Variants in RSRC1 observed in about 807,000 individuals in gnomAD.
RSRC1 encodes arginine and serine rich coiled-coil 1.
Under a neutral mutation model 49.1 loss-of-function variants are expected in RSRC1, and 39 were observed. That is an observed-to-expected ratio of 0.79 (90% CI 0.61 to 1.04). RSRC1 has a LOEUF of 1.04. Ranked by LOEUF, RSRC1 falls within the 50% of genes least tolerant of loss-of-function variation. The pLI is 0.00. For missense variants in RSRC1, 388 were observed against 402.4 expected, an observed-to-expected ratio of 0.96 and a Z score of 0.31; for synonymous variants, 143 against 130.8, an observed-to-expected ratio of 1.09 and a Z score of -0.63.
intron 5 of RSRC1, among the ~76,000 whole-genome samples, chr3:158,319,129 C>T (rs1372673436): frequency 2.6e-5 from 4 of 152,140 alleles, no homozygotes; most frequent in Admixed American, 2.6e-4. Flanking sequence ...TGGTTTGGCT[C>T]CACATCCCCA....
At chr3:158,140,340 C>T (rs545230846) in intron 3 of RSRC1, among the ~76,000 whole-genome samples, 2 of 152,312 alleles carry the variant, frequency 1.3e-5, no homozygotes, top group Non-Finnish European at 2.9e-5. Context: ...CATGGATTGT[C>T]AGGCTCTTGT....
At chr3:158,343,658 G>A (rs547350534) in intron 5 of RSRC1, among the ~76,000 whole-genome samples, 9 of 152,200 alleles carry the variant, frequency 5.9e-5, no homozygotes, top group African/African-American at 1.2e-4. Flanking sequence ...TTCTAGACAC[G>A]AAGGCTATAC....
At chr3:158,407,681 T>C (rs1734225968) in intron 6 of RSRC1, among the ~76,000 whole-genome samples, 1 of 152,124 alleles carries the variant, frequency 6.6e-6, no homozygotes, top group Non-Finnish European at 1.5e-5. Context: ...CAAACCACCA[T>C]TTTCTGTGTT....
In RSRC1 at chr3:158,477,798, T is replaced by TA. The variant is rs1738432613; in HGVS notation, c.652+16795_652+16796insA. Among the ~76,000 whole-genome samples the TA allele has an allele frequency of 2.2e-4, 20 of 89,770 alleles. 3 individuals carry two copies. Among genetic ancestry groups the TA allele is most frequent in the African/African-American group, 8.3e-4 (18 of 21,648 alleles). The allele number at this position is 89,770 out of a possible 152,430, so 58.9% of individuals were successfully genotyped here. A position where few individuals can be genotyped will look rare whatever the true frequency, so the allele number is the denominator to read the frequency against. ...TGATGGGATAGGTTGCGGGAGGGATTTATATATATATATATATATATATAT... is the reference window on the plus strand; with the variant it reads ...TGATGGGATAGGTTGCGGGAGGGATTATATATATATATATATATATATATAT... On this transcript the variant is annotated intron_variant, in intron 7 of 9. Transcript: ENST00000611884.
chr3:158,336,315 A>G (rs990685508), intron 5 of RSRC1: 2 of 152,264 alleles, frequency 1.3e-5, no homozygotes, highest in South Asian at 2.1e-4. Flanking sequence ...GAGGATAAAG[A>G]TGAGGGTGAG....
chr3:158,221,590 A>G (rs698975), intron 4 of RSRC1, among the ~76,000 whole-genome samples: 98,059 of 151,214 alleles, frequency 0.65, 32,091 homozygotes, highest in East Asian at 0.84. Context: ...TAAGTCATTA[A>G]TAATCTTTTA....
At chr3:158,344,771 T>C (rs1730451185) in intron 5 of RSRC1, among the ~76,000 whole-genome samples, 1 of 152,224 alleles carries the variant, frequency 6.6e-6, no homozygotes, top group African/African-American at 2.4e-5. Flanking sequence ...TTGTGGAGTT[T>C]ATTGCAATAT....
intron 4 of RSRC1, among the ~76,000 whole-genome samples, chr3:158,247,771 C>A (rs1322390977): frequency 6.6e-6 from 1 of 152,124 alleles, no homozygotes; most frequent in Non-Finnish European, 1.5e-5. Context: ...TTCCTCTAGA[C>A]CCTCCATCCT....
chr3:158,253,861 A>G (rs984056407), intron 4 of RSRC1, among the ~76,000 whole-genome samples: 3 of 152,058 alleles, frequency 2.0e-5, no homozygotes, highest in Non-Finnish European at 4.4e-5. Context: ...GGTTTACTGC[A>G]CCCATCAACT....
At chr3:158,391,914 T>A (rs187248953) in intron 6 of RSRC1, among the ~76,000 whole-genome samples, 4 of 152,208 alleles carry the variant, frequency 2.6e-5, no homozygotes, top group Admixed American at 2.0e-4. Flanking sequence ...GGGATCACTT[T>A]ATAATGTAAA....
At chr3:158,134,699 T>G (rs189172678) in intron 3 of RSRC1, among the ~76,000 whole-genome samples, 16 of 152,300 alleles carry the variant, frequency 1.1e-4, no homozygotes, top group South Asian at 4.1e-4. Flanking sequence ...CTTGGCAATG[T>G]GTAACTAGGA....
intron 1 of RSRC1, among the ~76,000 whole-genome samples, chr3:158,116,515 A>T (rs2108153734): frequency 6.6e-6 from 1 of 152,190 alleles, no homozygotes; most frequent in South Asian, 2.1e-4. Context: ...TATTGAGGAC[A>T]TTCTTAATTG....
intron 3 of RSRC1, among the ~76,000 whole-genome samples, chr3:158,189,657 T>G (rs1422964299): frequency 6.6e-6 from 1 of 151,936 alleles, no homozygotes; most frequent in African/African-American, 2.4e-5. Context: ...AAGATGTTCA[T>G]TTTGAAAGCT....
At chr3:158,440,390 A>G (rs80144677) in intron 6 of RSRC1, among the ~76,000 whole-genome samples, 8,177 of 152,116 alleles carry the variant, frequency 0.054, 321 homozygotes, top group South Asian at 0.1. Flanking sequence ...CCAAGTCAAT[A>G]CCTCTGAGAA....
At chr3:158,227,223 A>G (rs1305477965) in intron 4 of RSRC1, among the ~76,000 whole-genome samples, 1 of 151,762 alleles carries the variant, frequency 6.6e-6, no homozygotes. Context: ...GTGTTAAGAG[A>G]CTTGTGTCCT....
At chr3:158,406,755 G>A (rs60463398) in intron 6 of RSRC1, among the ~76,000 whole-genome samples, 20,579 of 152,040 alleles carry the variant, frequency 0.14, 1,508 homozygotes, top group Middle Eastern at 0.2. Flanking sequence ...CTAATCTAGT[G>A]GAAGTCCCAA....
chr3:158,350,597 A>G (rs904796980), intron 5 of RSRC1, among the ~76,000 whole-genome samples: 6 of 152,068 alleles, frequency 3.9e-5, no homozygotes, highest in African/African-American at 1.2e-4. Context: ...GTGTCTTCCC[A>G]TGGTCTTCTA....
intron 6 of RSRC1, among the ~76,000 whole-genome samples, chr3:158,379,009 A>G (rs1003536755): frequency 1.3e-5 from 2 of 152,058 alleles, no homozygotes; most frequent in South Asian, 2.1e-4. Flanking sequence ...CCATTAAAAC[A>G]TATGTACAAT....
intron 6 of RSRC1, among the ~76,000 whole-genome samples, chr3:158,413,990 T>C (rs1400476503): frequency 1.3e-5 from 2 of 152,150 alleles, no homozygotes; most frequent in African/African-American, 4.8e-5. Flanking sequence ...ACTGGAATTA[T>C]ACTCAAAGGA....
Sources: gnomAD v4.1 joint callset for allele counts (sites outside exome capture counted in the v4.1 genomes callset) on GRCh38, gnomAD v4.1.1 for gene constraint, MANE v1.5 for transcripts, NCBI Gene and HGNC (gene_info 2026-07-23, HGNC 2026-07-21) for gene names.